Variants in ANO4 observed in about 807,000 individuals in gnomAD.
ANO4 encodes anoctamin-4.
Under a neutral mutation model 141.9 loss-of-function variants are expected in ANO4, and 69 were observed. The observed-to-expected ratio is 0.49, with a 90% confidence interval of 0.40 to 0.59. The LOEUF is 0.59. Among genes scored for constraint, ANO4 ranks in the 20% least tolerant of loss-of-function variants. The probability of loss-of-function intolerance (pLI) is 0.00; values close to 1 mark genes in which losing one functional copy is unlikely to be tolerated. For missense variants in ANO4, 894 were observed against 1,162.2 expected (o/e 0.77, Z 3.36); for synonymous variants, 350 against 394.3 (o/e 0.89, Z 1.33).
intron 8 of ANO4, among the ~76,000 whole-genome samples, chr12:101,012,655 AT>A (rs548528705): frequency 6.0e-4 from 92 of 152,314 alleles, no homozygotes; most frequent in African/African-American, 2.2e-3. Context: ...AGGTGAAGTC[AT>A]TGAAGAGTTT....
At chr12:100,872,787 G>A (rs1330704573) in intron 1 of ANO4, among the ~76,000 whole-genome samples, 1 of 152,150 alleles carries the variant, frequency 6.6e-6, no homozygotes, top group African/African-American at 2.4e-5. Context: ...ATAATCCAAT[G>A]TTTTCCTGAG....
chr12:100,875,127 A>G (rs187758891), intron 1 of ANO4, among the ~76,000 whole-genome samples: 21 of 152,246 alleles, frequency 1.4e-4, no homozygotes, highest in African/African-American at 4.1e-4. Context: ...GGGAGGGGCC[A>G]GAGGTGGAAT....
At chr12:100,814,888 G>C (rs1385972492) in intron 1 of ANO4, among the ~76,000 whole-genome samples, 2 of 152,092 alleles carry the variant, frequency 1.3e-5, no homozygotes, top group African/African-American at 4.8e-5. Context: ...CCTGTGGAAG[G>C]CTGTGATGAG....
At chr12:100,718,519 T>G (rs1017637839) in intron 1 of ANO4, among the ~76,000 whole-genome samples, 8 of 152,220 alleles carry the variant, frequency 5.3e-5, no homozygotes, top group Non-Finnish European at 1.5e-5. Context: ...TATTCTTTGG[T>G]GTGGAATCTT....
chr12:100,836,119 C>G (rs1392796999), intron 1 of ANO4, among the ~76,000 whole-genome samples: 1 of 152,068 alleles, frequency 6.6e-6, no homozygotes, highest in Non-Finnish European at 1.5e-5. Context: ...ATCTTAGAGT[C>G]AGTAGTCTTT....
At chr12:101,111,469 C>A in intron 23 of ANO4, 94 bp from the exon 24 acceptor site, 1 of 1,173,362 alleles carries the variant, frequency 8.5e-7, no homozygotes, top group Non-Finnish European at 1.2e-6. Context: ...AAGAAAGGAC[C>A]CATGAAAAGG....
chr12:101,094,146 T>G (rs1033848201), intron 17 of ANO4, 110 bp from the exon 18 acceptor site: 1 of 822,706 alleles, frequency 1.2e-6, no homozygotes, highest in African/African-American at 1.7e-5. Context: ...GAGCAATGGA[T>G]GCTTAATGAA....
intron 25 of ANO4, among the ~76,000 whole-genome samples, chr12:101,118,340 T>C (rs1025959499): frequency 6.6e-6 from 1 of 152,194 alleles, no homozygotes; most frequent in Non-Finnish European, 1.5e-5. Flanking sequence ...ATCATAAAAG[T>C]ATATTCCAGA....
intron 1 of ANO4, among the ~76,000 whole-genome samples, chr12:100,866,867 T>C (rs1379253693): frequency 2.0e-5 from 3 of 152,188 alleles, no homozygotes; most frequent in Non-Finnish European, 4.4e-5. Flanking sequence ...AAATACTGTT[T>C]ATGTAAAATG....
chr12:101,105,096 A>G (rs2050389222), intron 22 of ANO4, among the ~76,000 whole-genome samples: 1 of 152,180 alleles, frequency 6.6e-6, no homozygotes, highest in South Asian at 2.1e-4. Flanking sequence ...AAAGGGCAGA[A>G]GTGAGCCTCT....
At chr12:100,806,660 T>G (rs1423849254) in intron 1 of ANO4, among the ~76,000 whole-genome samples, 1 of 148,578 alleles carries the variant, frequency 6.7e-6, no homozygotes, top group Non-Finnish European at 1.5e-5. Flanking sequence ...TTCTCCTGCC[T>G]CAGCCTCCTG....
rs181979598 is a variant in ANO4 at position 100,756,888 on chromosome 12, T to A, written c.358+16783T>A. ...TGGTCTTGTCCACCACTACCCCTAT[T>A]TCACCTGCAATCTGTATTCTGTACT... On this transcript the variant is annotated intron_variant, in intron 3 of 29. Coordinates refer to the ANO4 transcript ENST00000644049. Among the ~76,000 whole-genome samples the A allele has an allele frequency of 1.8e-3, 277 of 152,268 alleles. 2 individuals carry two copies. Among genetic ancestry groups the A allele is most frequent in the African/African-American group, 6.4e-3 (266 of 41,558 alleles).
intron 22 of ANO4, 26 bp from the exon 23 acceptor site, chr12:101,110,378 G>C: frequency 6.3e-7 from 1 of 1,589,236 alleles, no homozygotes; most frequent in Non-Finnish European, 8.6e-7. Context: ...AATACTCTCT[G>C]CTCTTTTTCC....
chr12:100,755,459 A>G (rs146692916), intron 3 of ANO4, among the ~76,000 whole-genome samples: 50 of 152,320 alleles, frequency 3.3e-4, no homozygotes, highest in African/African-American at 1.2e-3. Flanking sequence ...AGCACCATGC[A>G]GGGAGAATGT....
intron 9 of ANO4, among the ~76,000 whole-genome samples, chr12:101,027,348 G>A (rs1280257287): frequency 1.3e-5 from 2 of 152,162 alleles, no homozygotes; most frequent in South Asian, 2.1e-4. Context: ...GAGCTCCTGC[G>A]GGGAGGGGTG....
intron 15 of ANO4, 60 bp from the exon 16 acceptor site, chr12:101,083,618 T>A: frequency 6.5e-7 from 1 of 1,543,110 alleles, no homozygotes; most frequent in Middle Eastern, 1.7e-4. Flanking sequence ...AAATGATATT[T>A]CTTTTTTTAT....
At chr12:100,773,970 A>T (rs7969847) in intron 3 of ANO4, among the ~76,000 whole-genome samples, 86 of 151,956 alleles carry the variant, frequency 5.7e-4, no homozygotes, top group Non-Finnish European at 1.1e-3. Context: ...AACCATGCTC[A>T]TTTGTTTTCA....
At chr12:101,105,188 G>A (rs1417994456) in intron 22 of ANO4, among the ~76,000 whole-genome samples, 1 of 152,138 alleles carries the variant, frequency 6.6e-6, no homozygotes, top group Non-Finnish European at 1.5e-5. Flanking sequence ...CAAAGGTGGA[G>A]TAAGCTTTAC....
intron 2 of ANO4, among the ~76,000 whole-genome samples, chr12:100,735,387 A>G (rs958415421): frequency 6.6e-6 from 1 of 152,220 alleles, no homozygotes; most frequent in African/African-American, 2.4e-5. Flanking sequence ...AACACTGAGC[A>G]ACCTAAAATG....
Sources: gnomAD v4.1 joint callset for allele counts (sites outside exome capture counted in the v4.1 genomes callset) on GRCh38, gnomAD v4.1.1 for gene constraint, MANE v1.5 for transcripts, NCBI Gene and HGNC (gene_info 2026-07-23, HGNC 2026-07-21) for gene names.